Variants in BMPER observed in about 807,000 individuals in gnomAD.
The protein encoded by BMPER is BMP-binding endothelial regulator protein.
BMPER carries 45 observed loss-of-function variants against 87.3 expected under a neutral mutation model. That is an observed-to-expected ratio of 0.52 (90% confidence interval 0.41 to 0.66). The LOEUF (loss-of-function observed/expected upper bound fraction) is 0.66. Among genes scored for constraint, BMPER ranks in the 30% least tolerant of loss-of-function variants. The pLI, the probability that BMPER is intolerant of heterozygous loss-of-function variation, is 0.00. For synonymous variants in BMPER, 326 were observed against 316.2 expected, an observed-to-expected ratio of 1.03 and a Z score of -0.33; for missense variants, 784 against 867.5, an observed-to-expected ratio of 0.90 and a Z score of 1.21.
chr7:34,078,678 A>T (rs557712322), intron 11 of BMPER, among the ~76,000 whole-genome samples, 179 bp from the exon 12 acceptor site: 1 of 152,286 alleles, frequency 6.6e-6, no homozygotes, highest in East Asian at 1.9e-4. Context: ...AACCAGAAGT[A>T]TTCTGAGTAT....
intron 13 of BMPER, among the ~76,000 whole-genome samples, chr7:34,101,594 G>A (rs566797083): frequency 6.6e-6 from 1 of 152,340 alleles, no homozygotes; most frequent in East Asian, 1.9e-4. Flanking sequence ...AGCCACAAGA[G>A]GCCAGTGAAA....
intron 6 of BMPER, among the ~76,000 whole-genome samples, chr7:34,045,845 G>A (rs1250997616): frequency 6.6e-6 from 1 of 152,106 alleles, no homozygotes; most frequent in African/African-American, 2.4e-5. Flanking sequence ...CTGGAAGATA[G>A]GAGGAAAAGT....
intron 13 of BMPER, among the ~76,000 whole-genome samples, chr7:34,139,510 C>G (rs997369382): frequency 3.3e-5 from 5 of 152,194 alleles, no homozygotes; most frequent in Non-Finnish European, 7.3e-5. Flanking sequence ...CAGTGCCTGC[C>G]TGACTCTTTG....
chr7:34,046,966 G>T lies in BMPER; in HGVS notation c.676+561G>T, dbSNP rs1787990956. On this transcript the variant is annotated intron_variant, in intron 7 of 14. Coordinates refer to ENST00000649409, the MANE Select transcript of BMPER (RefSeq NM_001365308.1). ...TCATTTTATCTTCTTAAGAAGCTGT[G>T]AAATGTAGGTACTAAGTATATAATT... Among the ~76,000 whole-genome samples, 3 of 149,792 alleles carry T rather than the reference G, an allele frequency of 2.0e-5. No individual in the cohort carries two copies. The South Asian group carries it at 6.3e-4, about 32-fold the overall frequency.
intron 6 of BMPER, among the ~76,000 whole-genome samples, chr7:34,033,042 T>C (rs1377615665): frequency 6.6e-6 from 1 of 152,194 alleles, no homozygotes; most frequent in African/African-American, 2.4e-5. Flanking sequence ...AAATGGTCAT[T>C]GTATATGGAA....
chr7:34,123,512 G>A (rs1050739953), intron 13 of BMPER, among the ~76,000 whole-genome samples: 3 of 152,180 alleles, frequency 2.0e-5, no homozygotes, highest in Non-Finnish European at 4.4e-5. Context: ...GCTGTGGCCT[G>A]GGCATCAGTG....
intron 6 of BMPER, among the ~76,000 whole-genome samples, chr7:34,009,673 G>A (rs773463880): frequency 6.6e-6 from 1 of 151,980 alleles, no homozygotes; most frequent in Non-Finnish European, 1.5e-5. Flanking sequence ...TTTTGGAAGA[G>A]GGGAGGCATC....
chr7:33,914,119 T>C (rs1347254742), intron 2 of BMPER, among the ~76,000 whole-genome samples: 1 of 151,576 alleles, frequency 6.6e-6, no homozygotes, highest in Non-Finnish European at 1.5e-5. Context: ...CCCGCCACTA[T>C]GCCCGGCTAA....
At chr7:33,971,896 G>C (rs1785558056) in intron 5 of BMPER, among the ~76,000 whole-genome samples, 1 of 152,036 alleles carries the variant, frequency 6.6e-6, no homozygotes, top group Non-Finnish European at 1.5e-5. Context: ...CTGTTGCTTT[G>C]TTATTTATTT....
intron 11 of BMPER, among the ~76,000 whole-genome samples, chr7:34,062,756 C>T (rs1207148494): frequency 1.3e-5 from 2 of 152,130 alleles, no homozygotes; most frequent in Non-Finnish European, 2.9e-5. Context: ...TGTCGCTGTA[C>T]TGAATACTGT....
chr7:34,042,369 A>G (rs1315515423), intron 6 of BMPER, among the ~76,000 whole-genome samples: 1 of 152,198 alleles, frequency 6.6e-6, no homozygotes, highest in Non-Finnish European at 1.5e-5. Flanking sequence ...TTTCTTGCTG[A>G]CCAGATAAGA....
intron 6 of BMPER, among the ~76,000 whole-genome samples, chr7:33,996,943 G>C (rs1786429276): frequency 1.3e-5 from 2 of 152,090 alleles, no homozygotes; most frequent in Admixed American, 1.3e-4. Context: ...CACATTTCCA[G>C]TGCTCAATCG....
At chr7:34,090,976 A>G (rs2127979085) in intron 13 of BMPER, among the ~76,000 whole-genome samples, 1 of 152,274 alleles carries the variant, frequency 6.6e-6, no homozygotes, top group South Asian at 2.1e-4. Context: ...TTACAGCTGT[A>G]AGGAATTGAA....
At chr7:34,153,012 CT>C (rs1487740674) in intron 14 of BMPER, 79 bp from the exon 15 acceptor site, 2 of 1,525,698 alleles carry the variant, frequency 1.3e-6, no homozygotes, top group Non-Finnish European at 9.1e-7. Context: ...TGTCATGAGC[CT>C]GCAAGAACGG....
chr7:34,004,366 G>A (rs79893894), intron 6 of BMPER, among the ~76,000 whole-genome samples: 8 of 151,766 alleles, frequency 5.3e-5, no homozygotes, highest in Non-Finnish European at 1.2e-4. Context: ...AAGTCTTTCT[G>A]TAATAAGTCC....
chr7:34,070,181 G>A (rs1788700346), intron 11 of BMPER, among the ~76,000 whole-genome samples: 1 of 151,496 alleles, frequency 6.6e-6, no homozygotes, highest in South Asian at 2.1e-4. Context: ...TGGAGAACAT[G>A]TTCTTTCAAA....
chr7:33,936,628 T>C (rs1190565228), intron 2 of BMPER, among the ~76,000 whole-genome samples: 1 of 152,202 alleles, frequency 6.6e-6, no homozygotes, highest in Non-Finnish European at 1.5e-5. Flanking sequence ...CTTTAAGACA[T>C]TTTAACAGCT....
At chr7:33,995,099 A>G (rs1310523633) in intron 6 of BMPER, among the ~76,000 whole-genome samples, 4 of 152,220 alleles carry the variant, frequency 2.6e-5, no homozygotes, top group Admixed American at 6.5e-5. Context: ...AAATGCAGTC[A>G]TATACATTTT....
At chr7:34,149,954 G>T (rs929177980) in intron 14 of BMPER, among the ~76,000 whole-genome samples, 1 of 152,162 alleles carries the variant, frequency 6.6e-6, no homozygotes, top group Non-Finnish European at 1.5e-5. Context: ...AATATTTGTT[G>T]TTAAGTAGAT....
Sources: allele counts gnomAD v4.1 joint callset (sites outside exome capture counted in the v4.1 genomes callset), GRCh38; gene constraint gnomAD v4.1.1; transcripts MANE v1.5; gene names NCBI Gene and HGNC (gene_info 2026-07-23, HGNC 2026-07-21).